SNRNP200: variants seen among roughly 807,000 people sequenced by gnomAD.
SNRNP200 encodes U5 small nuclear ribonucleoprotein 200 kDa helicase.
SNRNP200 carries 66 observed loss-of-function variants against 255.2 expected under a neutral mutation model. The ratio of observed to expected loss-of-function variants is 0.26; its 90% confidence interval spans 0.21 to 0.32. The LOEUF (loss-of-function observed/expected upper bound fraction) is 0.32, where lower values mean the gene tolerates loss of function less well. Among genes scored for constraint, SNRNP200 ranks in the 10% least tolerant of loss-of-function variants. The pLI is 1.00. For synonymous variants in SNRNP200, 939 were observed against 1,027.8 expected, an observed-to-expected ratio of 0.91 and a Z score of 1.65; for missense variants, 1,585 against 2,749.8, an observed-to-expected ratio of 0.58 and a Z score of 9.47.
At chr2:96,293,169 C>CCCAAGAGCAATATTCCT (rs2104352207) in intron 15 of SNRNP200, 74 bp from the exon 16 acceptor site, 1 of 1,599,056 alleles carries the variant, frequency 6.3e-7, no homozygotes, top group East Asian at 2.2e-5. Context: ...TTTTCACTGC[C>CCCAAGAGCAATATTCCT]CCAAGAGCAA....
At position 96,290,651 on chromosome 2, in the gene SNRNP200, C is replaced by A. The variant is rs753460344; in HGVS notation, c.2553+33G>T. ...CTGCATTTCAGGCAAGGATACTGAT[C>A]CCTGCTGAGAATAAACTCAAAAGGC... On this transcript the variant is annotated intron_variant, in intron 19 of 44. Transcript: ENST00000323853. The surrounding 1 kb of genome is among the most constrained non-coding windows in gnomAD (Gnocchi z 4.5). The A allele has an allele frequency of 8.7e-6, 14 of 1,614,134 alleles. No individual in the cohort carries two copies. The highest frequency in any genetic ancestry group is 1.2e-5 in the Non-Finnish European group (14 of 1,180,026).
chr2:96,293,555 TAGTCCC>T, intron 14 of SNRNP200, 46 bp from the exon 15 acceptor site: 1 of 1,554,820 alleles, frequency 6.4e-7, no homozygotes, highest in Non-Finnish European at 8.9e-7. Flanking sequence ...TAGAGATACA[TAGTCCC>T]TTTTCCTGGA....
In SNRNP200 at chr2:96,284,404, T is replaced by A. The variant is rs575003767; in HGVS notation, c.4346A>T (p.Asn1449Ile). The change falls in exon 31 of 45, where the codon AAC becomes ATC. Residue 1449 changes from asparagine to isoleucine, a missense_variant. This residue lies in a region of SNRNP200 where 719 missense variants were observed against 1,091.1 expected (regional missense o/e 0.66). Coordinates refer to ENST00000323853, the MANE Select transcript of SNRNP200 (RefSeq NM_014014.5). Reference sequence around the variant, plus strand: ...GTGGACCTCATCCACCACGAAGAGGTTGATGTTCTGCACGTTCTTGCGCTG... The same window carrying A: ...GTGGACCTCATCCACCACGAAGAGGATGATGTTCTGCACGTTCTTGCGCTG... ...WKQRKNVQNI[N>I]LFVVDEVHLI... 2 of 1,613,896 alleles carry A rather than the reference T, an allele frequency of 1.2e-6. No individual in the cohort carries two copies. Among genetic ancestry groups the A allele is most frequent in the East Asian group, 2.2e-5 (1 of 44,882 alleles).
At chr2:96,280,847 CCTT>C (rs1260329028) in intron 35 of SNRNP200, among the ~76,000 whole-genome samples, 2 of 145,996 alleles carry the variant, frequency 1.4e-5, no homozygotes, top group Non-Finnish European at 3.0e-5. Flanking sequence ...CACACCTGGC[CCTT>C]TTTTTTTTTT....
rs867786225 is a variant in SNRNP200, at chr2:96,279,158, C to T, written c.5134-160G>A. On this transcript the variant is annotated intron_variant, in intron 36 of 44. Coordinates refer to ENST00000323853, the MANE Select transcript of SNRNP200 (RefSeq NM_014014.5). ...AGAAAGTGCATCACTGGTGACAATA[C>T]GCAGTGGGAACAGAGGTACAGCAAG... 4.7e-5 allele frequency: 33 copies of T among 696,466 alleles called. 1 individual carries two copies. In the Middle Eastern group the frequency reaches 2.1e-3, roughly 44 times the overall value. The allele number at this position is 696,466 out of a possible 1,614,324, so 43.1% of individuals were successfully genotyped here.
rs890703671 is a variant in SNRNP200, at chr2:96,283,406, C to T, written c.4764-54G>A. On this transcript the variant is annotated intron_variant, in intron 33 of 44. Transcript: ENST00000323853. The surrounding 1 kb of genome is among the most constrained non-coding windows in gnomAD (Gnocchi z 4.7). ...AGAGTAGTTCAATTCCTGGCAGACA[C>T]TTTGCCAGCTGTGCAGAACCTGGCC... is the stretch of plus-strand genomic sequence containing the variant. 5.6e-6 allele frequency: 9 copies of T among 1,613,514 alleles called. No individual in the cohort carries two copies. The highest frequency in any genetic ancestry group is 1.7e-4 in the Middle Eastern group (1 of 6,060).
chr2:96,304,942 G>C (rs565492893), intron 1 of SNRNP200, 74 bp from the exon 2 acceptor site: 2 of 1,540,620 alleles, frequency 1.3e-6, no homozygotes, highest in East Asian at 4.7e-5. Flanking sequence ...TACCCCAGCT[G>C]ATGGAAAAAA....
intron 14 of SNRNP200, 133 bp downstream of exon 14, chr2:96,295,355 C>T (rs113045864): frequency 1.2e-5 from 18 of 1,468,100 alleles, no homozygotes; most frequent in African/African-American, 8.3e-5. Flanking sequence ...TCTCATCCTA[C>T]GGAATTGGAG....
In SNRNP200 at chr2:96,289,991, C is replaced by A; in HGVS notation, c.2748G>T (p.Ala916=). The A allele has an allele frequency of 6.2e-7, 1 of 1,614,112 alleles. No homozygotes were observed. The highest frequency in any genetic ancestry group is 1.1e-5 in the South Asian group (1 of 91,064). The change falls in exon 21 of 45, where the codon GCG becomes GCT. Residue 916 remains alanine (A), a synonymous_variant. Transcript: ENST00000323853. Reference sequence around the variant, plus strand: ...GGTAGGCATAGCCCAGCCAGTTCACCGCATCCTACAAGACACAGCTCATGG... The same window carrying A: ...GGTAGGCATAGCCCAGCCAGTTCACAGCATCCTACAAGACACAGCTCATGG... The part of the protein sequence containing the change: ...VLGNVQNAKD[A]VNWLGYAYLY...
rs767409128 is a variant in SNRNP200 at position 96,297,605 on chromosome 2, A to G, written c.1203+32T>C. On this transcript the variant is annotated intron_variant, in intron 10 of 44. Coordinates refer to ENST00000323853, the MANE Select transcript of SNRNP200 (RefSeq NM_014014.5). ...GAGCAAGTGAGTTTTCCATCCATCA[A>G]GGCCTGGGAAATAAATCGCCCTGGA... 4 of 1,614,180 alleles carry G rather than the reference A, an allele frequency of 2.5e-6. No individual in the cohort carries two copies. The East Asian group carries it at 8.9e-5, about 36-fold the overall frequency.
intron 9 of SNRNP200, 144 bp from the exon 10 acceptor site, chr2:96,297,864 G>C (rs2063928508): frequency 1.2e-6 from 1 of 862,466 alleles, no homozygotes; most frequent in Non-Finnish European, 1.9e-6. Context: ...TTTACATGGG[G>C]ACCACCAGAA....
Position 96,301,069 on chromosome 2 carries a change from A to G in SNRNP200, c.575-16T>C. 2 of 1,613,344 alleles carry G rather than the reference A, an allele frequency of 1.2e-6. No homozygotes were observed. The highest frequency in any genetic ancestry group is 3.3e-4 in the Middle Eastern group (2 of 6,058). On this transcript the variant is annotated splice_polypyrimidine_tract_variant and intron_variant, in intron 4 of 44. Coordinates refer to ENST00000323853, the MANE Select transcript of SNRNP200 (RefSeq NM_014014.5). ...ATGTTGTCATCTGAAACAATGAAGG[A>G]TTAGAAAAAGAGGGCAGTGAATGGC...
chr2:96,303,628 G>A (rs757909010), intron 2 of SNRNP200, among the ~76,000 whole-genome samples: 5 of 152,106 alleles, frequency 3.3e-5, no homozygotes, highest in Non-Finnish European at 4.4e-5. Context: ...AGTGGTTCAC[G>A]CCTGTAATCC....
At position 96,283,706 on chromosome 2, in the gene SNRNP200, T is replaced by C; in HGVS notation, c.4592A>G (p.Asn1531Ser). Residue 1531 changes from asparagine to serine, a missense_variant, in exon 33 of 45, where the codon AAC becomes AGC. Transcript: ENST00000323853. This position sits in a 1 kb window ranked among gnomAD's most constrained non-coding sequence, Gnocchi z 4.7. ...VPLELHIQGF[N>S]ISHTQTRLLS... ...CAGGCGGGTTTGTGTATGGCTGATG[T>C]TGAAGCCCTGGCGACCGGGGAGAAG... 1 of 1,614,044 alleles carries C rather than the reference T, an allele frequency of 6.2e-7. No individual in the cohort carries two copies. Among genetic ancestry groups the C allele is most frequent in the Non-Finnish European group, 8.5e-7 (1 of 1,180,016 alleles).
In SNRNP200 at chr2:96,298,700, C is replaced by G; in HGVS notation, c.885G>C (p.Thr295=). ...TTTCACATTCCCGATCATCACTGGC[C>G]GTCTGCAGAGAGCAGGTAACACCAC... ...KADEVLEILK[T]ASDDRECENQ... The change falls in exon 8 of 45, where the codon ACG becomes ACC. Residue 295 remains threonine, a splice_region_variant and synonymous_variant. Coordinates refer to ENST00000323853, the MANE Select transcript of SNRNP200 (RefSeq NM_014014.5). The G allele has an allele frequency of 6.2e-7, 1 of 1,614,172 alleles. No individual in the cohort carries two copies. The highest frequency in any genetic ancestry group is 8.5e-7 in the Non-Finnish European group (1 of 1,180,034).
In SNRNP200 at chr2:96,289,385, G is replaced by C. The variant is rs761993023; in HGVS notation, c.2941-6C>G. 1.5e-5 allele frequency: 24 copies of C among 1,613,578 alleles called. No individual in the cohort carries two copies. The African/African-American group carries it at 2.7e-4, about 18-fold the overall frequency. ...ATACGGCCCAGTTCTGTCACCTGGA[G>C]AGAAGGTAGACTCAATCCAGTGCTG... On this transcript the variant is annotated splice_polypyrimidine_tract_variant and splice_region_variant and intron_variant, in intron 21 of 44. Coordinates refer to ENST00000323853, the MANE Select transcript of SNRNP200 (RefSeq NM_014014.5).
intron 43 of SNRNP200, 40 bp from the exon 44 acceptor site, chr2:96,275,389 TTGA>T (rs1480296727): frequency 1.9e-6 from 3 of 1,549,742 alleles, no homozygotes; most frequent in Admixed American, 1.7e-5. Flanking sequence ...CATGTAAAAC[TTGA>T]TGACCATAGG....
At chr2:96,279,682 G>A (rs775523620) in intron 35 of SNRNP200, 123 bp from the exon 36 acceptor site, 31 of 693,432 alleles carry the variant, frequency 4.5e-5, no homozygotes, top group Admixed American at 2.6e-4. Context: ...GACAAATCAC[G>A]GGACGACTCT....
chr2:96,279,004 G>A lies in SNRNP200; in HGVS notation c.5134-6C>T, dbSNP rs3214062. ...AAGAACTTCTTGAAGAAATCCTGTGGGTTGGAGAGGGAGAAGGAGTAATAA... is the reference window on the plus strand; with the variant it reads ...AAGAACTTCTTGAAGAAATCCTGTGAGTTGGAGAGGGAGAAGGAGTAATAA... On this transcript the variant is annotated splice_polypyrimidine_tract_variant and splice_region_variant and intron_variant, in intron 36 of 44. Coordinates refer to ENST00000323853, the MANE Select transcript of SNRNP200 (RefSeq NM_014014.5). 3 of 1,611,342 alleles carry A rather than the reference G, an allele frequency of 1.9e-6. No homozygotes were observed. The highest frequency in any genetic ancestry group is 2.5e-6 in the Non-Finnish European group (3 of 1,177,512).
Sources: gnomAD v4.1 joint callset for allele counts (sites outside exome capture counted in the v4.1 genomes callset) on GRCh38, gnomAD v4.1.1 for gene constraint, gnomAD v4.1.1 regional missense constraint, Gnocchi (gnomAD v3.1) non-coding constraint, MANE v1.5 for transcripts, NCBI Gene and HGNC (gene_info 2026-07-23, HGNC 2026-07-21) for gene names.